The following FBXL20 variants were observed in gnomAD, a reference collection of about 807,000 sequenced individuals.
FBXL20 encodes the protein F-box/LRR-repeat protein 20.
FBXL20 carries 11 observed loss-of-function variants against 64.0 expected under a neutral mutation model. The observed-to-expected ratio is 0.17, with a 90% CI of 0.11 to 0.28. The LOEUF (loss-of-function observed/expected upper bound fraction) is 0.28, where lower values mean the gene tolerates loss of function less well. FBXL20 is among the 10% of genes least tolerant of loss of function. The pLI is 1.00. For missense variants in FBXL20, 303 were observed against 526.2 expected, an observed-to-expected ratio of 0.58 and a Z score of 4.15; for synonymous variants, 184 against 189.0, an observed-to-expected ratio of 0.97 and a Z score of 0.22.
chr17:39,269,317 C>T (rs916380933), intron 11 of FBXL20, among the ~76,000 whole-genome samples: 3 of 151,978 alleles, frequency 2.0e-5, no homozygotes, highest in African/African-American at 7.3e-5. Flanking sequence ...CCTCAGCCTC[C>T]TGAGTAGCTG....
intron 1 of FBXL20, among the ~76,000 whole-genome samples, chr17:39,347,758 C>T (rs2047648413): frequency 6.6e-6 from 1 of 152,058 alleles, no homozygotes; most frequent in African/African-American, 2.4e-5. Flanking sequence ...GTCATGGAGT[C>T]CTTGCCCACC....
At chr17:39,378,277 C>T (rs1296168337) in intron 1 of FBXL20, among the ~76,000 whole-genome samples, 1 of 152,074 alleles carries the variant, frequency 6.6e-6, no homozygotes, top group Non-Finnish European at 1.5e-5. Flanking sequence ...AAACGAAGAA[C>T]TCTTATAACC....
intron 2 of FBXL20, among the ~76,000 whole-genome samples, chr17:39,338,021 C>T (rs1220388530): frequency 6.6e-6 from 1 of 152,170 alleles, no homozygotes; most frequent in Non-Finnish European, 1.5e-5. Context: ...CCGGCCACCA[C>T]CCCGTCTGGG....
chr17:39,280,150 C>T (rs191202088), intron 9 of FBXL20, among the ~76,000 whole-genome samples: 231 of 151,172 alleles, frequency 1.5e-3, no homozygotes, highest in Non-Finnish European at 2.5e-3. Context: ...CAAGAAGAAT[C>T]GCTTGAACCT....
At chr17:39,364,160 G>T (rs576261003) in intron 1 of FBXL20, among the ~76,000 whole-genome samples, 1 of 152,074 alleles carries the variant, frequency 6.6e-6, no homozygotes, top group African/African-American at 2.4e-5. Flanking sequence ...AAAGTGCTGG[G>T]ATTACAAGAT....
At chr17:39,285,451 T>A (rs746109461) in intron 7 of FBXL20, 27 bp downstream of exon 7, 1 of 1,470,670 alleles carries the variant, frequency 6.8e-7, no homozygotes, top group South Asian at 1.3e-5. Context: ...TTTTGATTAC[T>A]TGACATGCTT....
intron 6 of FBXL20, among the ~76,000 whole-genome samples, chr17:39,295,424 A>AT (rs2047075430): frequency 6.6e-6 from 1 of 151,854 alleles, no homozygotes; most frequent in South Asian, 2.1e-4. Flanking sequence ...TGCCTGGCTA[A>AT]TTTTTGCTTT....
At chr17:39,355,716 G>A (rs2047730106) in intron 1 of FBXL20, among the ~76,000 whole-genome samples, 2 of 151,830 alleles carry the variant, frequency 1.3e-5, no homozygotes, top group African/African-American at 2.4e-5. Context: ...TTAGCTGCGC[G>A]TGGTGGCAGG....
intron 4 of FBXL20, among the ~76,000 whole-genome samples, chr17:39,300,723 C>T (rs1215910027): frequency 1.3e-5 from 2 of 152,114 alleles, no homozygotes; most frequent in African/African-American, 4.8e-5. Flanking sequence ...TTCAATGTTT[C>T]CACTGCAAAA....
intron 4 of FBXL20, among the ~76,000 whole-genome samples, chr17:39,299,663 C>T (rs2047117297): frequency 6.6e-6 from 1 of 152,122 alleles, no homozygotes; most frequent in Non-Finnish European, 1.5e-5. Context: ...TGCCTGTAGT[C>T]CCAGCTACTC....
At position 39,331,356 on chromosome 17, in the gene FBXL20, C is replaced by T. The variant is rs542577516; in HGVS notation, c.104+11824G>A. Among the ~76,000 whole-genome samples, 17 of 152,324 alleles carry T rather than the reference C, an allele frequency of 1.1e-4. No homozygotes were observed. In the South Asian group the frequency reaches 2.7e-3, roughly 24 times the overall value. On this transcript the variant is annotated intron_variant, in intron 2 of 14. Transcript: ENST00000264658. ...ACTCAGATTTTCTGCCCGCCTCGGCCTCCCAGAGTGCTGGGATTACAGGTG... is the reference window on the plus strand; with the variant it reads ...ACTCAGATTTTCTGCCCGCCTCGGCTTCCCAGAGTGCTGGGATTACAGGTG...
chr17:39,379,183 C>G lies in FBXL20; in HGVS notation c.42+22178G>C, dbSNP rs190455839. ...GGAGGTTGTGGTGAGCCGACTCCAG[C>G]CTGGGCAAGAAGAGTGAAACTCCGT... On this transcript the variant is annotated intron_variant, in intron 1 of 14. Transcript: ENST00000264658. Among the ~76,000 whole-genome samples the G allele has an allele frequency of 5.1e-3, 770 of 149,688 alleles. 5 individuals carry two copies. The highest frequency in any genetic ancestry group is 0.018 in the African/African-American group (751 of 41,142).
In FBXL20 at chr17:39,401,598, G is replaced by A. The variant is rs971975505; in HGVS notation, c.-196C>T. The A allele has an allele frequency of 3.6e-6, 5 of 1,405,196 alleles. No individual in the cohort carries two copies. The highest frequency in any genetic ancestry group is 1.6e-5 in the South Asian group (1 of 64,232). 87.0% of individuals were successfully genotyped at this position (1,405,196 alleles called of 1,614,324 possible). A position where few individuals can be genotyped will look rare whatever the true frequency, so the allele number is the denominator to read the frequency against. On this transcript the variant is annotated 5_prime_UTR_variant, in exon 1 of 15. Coordinates refer to ENST00000264658, the MANE Select transcript of FBXL20 (RefSeq NM_032875.3). ...CTCCCGCGGCGCCGGCGGCCGCAAC[G>A]ACTGCTCGTCGCTAGCTCGGCTCTC...
intron 1 of FBXL20, among the ~76,000 whole-genome samples, chr17:39,399,247 T>G (rs1237759617): frequency 6.6e-6 from 1 of 152,226 alleles, no homozygotes; most frequent in Non-Finnish European, 1.5e-5. Flanking sequence ...AGTTGTAAAA[T>G]TATCAGTTCT....
intron 1 of FBXL20, among the ~76,000 whole-genome samples, chr17:39,372,904 C>T (rs1175549876): frequency 6.6e-6 from 1 of 152,072 alleles, no homozygotes; most frequent in Non-Finnish European, 1.5e-5. Flanking sequence ...GGATTACAGG[C>T]GTGAGCCACT....
intron 6 of FBXL20, among the ~76,000 whole-genome samples, chr17:39,291,144 G>T (rs902378669): frequency 4.6e-5 from 7 of 151,482 alleles, no homozygotes; most frequent in African/African-American, 1.7e-4. Context: ...TGTATTTTTA[G>T]TAGAGACGGG....
intron 6 of FBXL20, among the ~76,000 whole-genome samples, chr17:39,292,231 T>C (rs2047046135): frequency 6.6e-6 from 1 of 150,660 alleles, no homozygotes; most frequent in Non-Finnish European, 1.5e-5. Context: ...TTTCATCTAA[T>C]TTTTTTCCTT....
At chr17:39,378,993 C>T (rs1004365372) in intron 1 of FBXL20, among the ~76,000 whole-genome samples, 67 of 149,914 alleles carry the variant, frequency 4.5e-4, no homozygotes, top group African/African-American at 1.5e-3. Flanking sequence ...TTTGGGAGGC[C>T]GAGGCGGGCA....
rs138696453 is a variant in FBXL20 at position 39,302,561 on chromosome 17, G to A, written c.159+1024C>T. ...GCTAATTTTTTGTATTTTTAGTAGAGATGGGGTTTCACTGTGTTAGCCAGG... is the reference window on the plus strand; with the variant it reads ...GCTAATTTTTTGTATTTTTAGTAGAAATGGGGTTTCACTGTGTTAGCCAGG... On this transcript the variant is annotated intron_variant, in intron 3 of 14. Transcript: ENST00000264658. Among the ~76,000 whole-genome samples the A allele has an allele frequency of 2.8e-3, 427 of 152,238 alleles. 2 individuals are homozygous for A. The highest frequency in any genetic ancestry group is 4.6e-3 in the Non-Finnish European group (315 of 68,018).
Sources: allele counts gnomAD v4.1 joint callset (sites outside exome capture counted in the v4.1 genomes callset), GRCh38; gene constraint gnomAD v4.1.1; transcripts MANE v1.5; gene names NCBI Gene and HGNC (gene_info 2026-07-23, HGNC 2026-07-21).